SRD5A1: variants seen among roughly 807,000 people sequenced by gnomAD.
The protein encoded by SRD5A1 is 3-oxo-5-alpha-steroid 4-dehydrogenase 1.
In SRD5A1, 22 loss-of-function variants were observed where a neutral mutation model predicts 28.2. The observed-to-expected ratio is 0.78, with a 90% CI of 0.56 to 1.12. The LOEUF is 1.12. SRD5A1 is among the 50% of genes most tolerant of loss of function. The pLI is 0.00. For missense variants in SRD5A1, 300 were observed against 346.7 expected (o/e 0.87, Z 1.07); for synonymous variants, 151 against 135.0 (o/e 1.12, Z -0.82).
chr5:6,633,694 C>A lies in SRD5A1; in HGVS notation c.118C>A (p.Arg40Ser). The change falls in exon 1 of 5, where the codon CGC becomes AGC. Residue 40 changes from arginine to serine, a missense_variant. Physicochemically the swap from Arg to Ser is moderately radical, Grantham distance 110. This residue lies in a region of SRD5A1 where 174 missense variants were observed against 160.9 expected (regional missense o/e 1.08). Transcript: ENST00000274192. Reference protein sequence around the residue: ...RNRQTNSVYGRHALPSHRLRV... With the variant: ...RNRQTNSVYGSHALPSHRLRV... The stretch of plus-strand genomic sequence containing the variant: ...TCGTCAGACGAACTCAGTGTACGGC[C>A]GCCACGCGCTGCCCAGCCACAGGCT... The A allele has an allele frequency of 6.3e-7, 1 of 1,588,378 alleles. No homozygotes were observed. The highest frequency in any genetic ancestry group is 8.5e-7 in the Non-Finnish European group (1 of 1,175,018).
rs1314858512 is a variant in SRD5A1 at position 6,672,582 on chromosome 5, T to G, written c.*4314T>G. On this transcript the variant is annotated 3_prime_UTR_variant, in exon 5 of 5. Transcript: ENST00000274192. ...AAGCCACAGCTCCCGGCCCAACTGT[T>G]GCATTATTATTTGCAAATGTTGGCT... The G allele has an allele frequency of 6.6e-6, 1 of 152,202 alleles. No homozygotes were observed. Among genetic ancestry groups the G allele is most frequent in the East Asian group, 1.9e-4 (1 of 5,198 alleles). The allele number at this position is 152,202 out of a possible 1,614,324, so 9.4% of individuals were successfully genotyped here.
rs1212533384 is a variant in SRD5A1, at chr5:6,662,879, A to G, written c.626A>G (p.Tyr209Cys). 1.2e-6 allele frequency: 2 copies of G among 1,613,300 alleles called. No individual in the cohort carries two copies. Among genetic ancestry groups the G allele is most frequent in the Admixed American group, 1.7e-5 (1 of 60,010 alleles). The change falls in exon 4 of 5, where the codon TAT (tyrosine) becomes TGT (cysteine). Residue 209 changes from tyrosine to cysteine, a missense_variant. Coordinates refer to ENST00000274192, the MANE Select transcript of SRD5A1 (RefSeq NM_001047.4). ...YFGEIMEWCG[Y>C]ALASWSVQGA... Reference sequence around the variant, plus strand: ...GGAGAAATCATGGAGTGGTGTGGCTATGCCCTGGCCAGCTGGTCTGTCCAA... The same window carrying G: ...GGAGAAATCATGGAGTGGTGTGGCTGTGCCCTGGCCAGCTGGTCTGTCCAA...
Position 6,651,891 on chromosome 5 carries a change from T to C in SRD5A1, c.343T>C (p.Leu115=), listed in dbSNP as rs562771639. Residue 115 remains leucine, a synonymous_variant, in exon 2 of 5, where the codon TTG becomes CTG. Transcript: ENST00000274192. ...GCGAGGAGGAAAGCCTATGCCACTG[T>C]TGGCGTGTACAATGGCGATTATGTT... ...LMRGGKPMPL[L]ACTMAIMFCT... 5.0e-6 allele frequency: 8 copies of C among 1,613,712 alleles called. No individual in the cohort carries two copies. In the South Asian group the frequency reaches 6.6e-5, roughly 13 times the overall value.
At position 6,662,623 on chromosome 5, in the gene SRD5A1, TTGA is replaced by T. The variant is rs376126862; in HGVS notation, c.563-188_563-186del. ...GACAGGTATTGATATACATATGTAG[TTGA>T]TGATCAGAAGTTGTGATATGAATTA... is the stretch of plus-strand genomic sequence containing the variant. On this transcript the variant is annotated intron_variant, in intron 3 of 4. Coordinates refer to ENST00000274192, the MANE Select transcript of SRD5A1 (RefSeq NM_001047.4). Among the ~76,000 whole-genome samples, 180 of 152,346 alleles carry T rather than the reference TTGA, an allele frequency of 1.2e-3. 3 individuals carry two copies. The highest frequency in any genetic ancestry group is 4.0e-3 in the African/African-American group (167 of 41,592).
chr5:6,642,553 T>C (rs1216168892), intron 1 of SRD5A1, among the ~76,000 whole-genome samples: 4 of 152,224 alleles, frequency 2.6e-5, no homozygotes, highest in African/African-American at 4.8e-5. Flanking sequence ...TTAATTTTAA[T>C]AGCATGGAAA....
intron 2 of SRD5A1, among the ~76,000 whole-genome samples, chr5:6,652,559 A>G (rs756046917): frequency 3.3e-5 from 5 of 152,178 alleles, no homozygotes; most frequent in African/African-American, 1.2e-4. Flanking sequence ...GCCATCAAAA[A>G]TATTTGCAAG....
At chr5:6,659,271 G>T (rs1198730677) in intron 3 of SRD5A1, among the ~76,000 whole-genome samples, 1 of 151,862 alleles carries the variant, frequency 6.6e-6, no homozygotes, top group Non-Finnish European at 1.5e-5. Flanking sequence ...CCGCCACCAC[G>T]CCTGGCTAAT....
chr5:6,666,800 G>C (rs569358434), intron 4 of SRD5A1, among the ~76,000 whole-genome samples: 3 of 151,700 alleles, frequency 2.0e-5, no homozygotes, highest in Non-Finnish European at 4.4e-5. Flanking sequence ...CAGCCTGGTG[G>C]GGGGGCGCGT....
chr5:6,660,219 CAA>C (rs1354834934), intron 3 of SRD5A1, among the ~76,000 whole-genome samples: 1 of 152,232 alleles, frequency 6.6e-6, no homozygotes, highest in African/African-American at 2.4e-5. Context: ...GCCTGTGTCT[CAA>C]GAGGACATTT....
At chr5:6,662,381 G>T (rs1739034006) in intron 3 of SRD5A1, among the ~76,000 whole-genome samples, 1 of 152,232 alleles carries the variant, frequency 6.6e-6, no homozygotes, top group Admixed American at 6.5e-5. Context: ...CCTGGGCAGG[G>T]CATGGCCCAT....
At chr5:6,657,193 AT>A (rs1738858794) in intron 3 of SRD5A1, among the ~76,000 whole-genome samples, 1 of 152,234 alleles carries the variant, frequency 6.6e-6, no homozygotes, top group African/African-American at 2.4e-5. Flanking sequence ...CAAACCTCAA[AT>A]TACTTAAACT....
At chr5:6,666,422 A>G (rs1246244548) in intron 4 of SRD5A1, among the ~76,000 whole-genome samples, 2 of 152,206 alleles carry the variant, frequency 1.3e-5, no homozygotes, top group African/African-American at 4.8e-5. Flanking sequence ...CACTGGAATT[A>G]CAGGCGTCAG....
intron 1 of SRD5A1, 62 bp downstream of exon 1, chr5:6,633,931 C>A: frequency 6.4e-7 from 1 of 1,552,148 alleles, no homozygotes; most frequent in Non-Finnish European, 8.7e-7. Flanking sequence ...TCCGACCCTC[C>A]CCTCACTGCC....
At chr5:6,656,036 C>A (rs199556387) in intron 2 of SRD5A1, 42 bp from the exon 3 acceptor site, 2 of 1,471,652 alleles carry the variant, frequency 1.4e-6, no homozygotes, top group East Asian at 4.5e-5. Flanking sequence ...TGAAATTTTA[C>A]GGTTTATTAG....
chr5:6,641,561 T>C (rs2126528369), intron 1 of SRD5A1, among the ~76,000 whole-genome samples: 1 of 152,218 alleles, frequency 6.6e-6, no homozygotes. Flanking sequence ...TGTCCACCAC[T>C]CTGTTGACTT....
rs777216255 is a variant in SRD5A1 at position 6,674,281 on chromosome 5, GGAGA to G, written c.*6020_*6023del. 6.6e-6 allele frequency: 1 copy of G among 151,982 alleles called. No individual in the cohort carries two copies. The highest frequency in any genetic ancestry group is 2.1e-4 in the South Asian group (1 of 4,824). The allele number at this position is 151,982 out of a possible 1,614,324, so 9.4% of individuals were successfully genotyped here. A position where few individuals can be genotyped will look rare whatever the true frequency, so the allele number is the denominator to read the frequency against. On this transcript the variant is annotated 3_prime_UTR_variant, in exon 5 of 5. Coordinates refer to ENST00000274192, the MANE Select transcript of SRD5A1 (RefSeq NM_001047.4). ...AGATGTTAATAGGGGAAATCGTGTT[GGAGA>G]GAGAGATATGTGAGAACTCTGTACT...
Position 6,656,075 on chromosome 5 carries a change from T to A in SRD5A1, c.461-3T>A. 1 of 1,613,086 alleles carries A rather than the reference T, an allele frequency of 6.2e-7. No individual in the cohort carries two copies. Among genetic ancestry groups the A allele is most frequent in the South Asian group, 1.1e-5 (1 of 91,030 alleles). ...TAATCATCTTGCAATTTTTTTCCTTTAGGTTTTGGCTTGTGGTTAACGGGC... is the reference window on the plus strand; with the variant it reads ...TAATCATCTTGCAATTTTTTTCCTTAAGGTTTTGGCTTGTGGTTAACGGGC... On this transcript the variant is annotated splice_polypyrimidine_tract_variant and splice_region_variant and intron_variant, in intron 2 of 4. Transcript: ENST00000274192.
At chr5:6,652,109 CAA>C in intron 2 of SRD5A1, 101 bp downstream of exon 2, 1 of 1,334,038 alleles carries the variant, frequency 7.5e-7, no homozygotes, top group South Asian at 1.5e-5. Context: ...CCTGTGAGAA[CAA>C]AGACAACAGA....
chr5:6,661,506 T>C (rs913212883), intron 3 of SRD5A1, among the ~76,000 whole-genome samples: 30 of 150,850 alleles, frequency 2.0e-4, no homozygotes, highest in African/African-American at 6.8e-4. Flanking sequence ...ATTGGTCTTA[T>C]GACTTAGGGC....
Sources: gnomAD v4.1 joint callset for allele counts (sites outside exome capture counted in the v4.1 genomes callset) on GRCh38, gnomAD v4.1.1 for gene constraint, gnomAD v4.1.1 regional missense constraint, MANE v1.5 for transcripts, NCBI Gene and HGNC (gene_info 2026-07-23, HGNC 2026-07-21) for gene names.